The following CCDC60 variants were observed in gnomAD, a reference collection of about 807,000 sequenced individuals.
The protein encoded by CCDC60 is coiled-coil domain containing 60.
A neutral mutation model predicts 63.5 loss-of-function variants in CCDC60; 54 were observed. The observed-to-expected ratio is 0.85, with a 90% CI of 0.68 to 1.07. The LOEUF (loss-of-function observed/expected upper bound fraction) is 1.07. Ranked by LOEUF, CCDC60 falls within the 50% of genes least tolerant of loss-of-function variation. The probability of loss-of-function intolerance (pLI) is 0.00; values close to 1 mark genes in which losing one functional copy is unlikely to be tolerated. For missense variants in CCDC60, 651 were observed against 684.3 expected (o/e 0.95, Z 0.54); for synonymous variants, 206 against 238.8 (o/e 0.86, Z 1.27).
intron 8 of CCDC60, among the ~76,000 whole-genome samples, chr12:119,519,438 CGT>C (rs1442325631): frequency 4.2e-4 from 35 of 83,418 alleles, no homozygotes; most frequent in East Asian, 1.9e-3. Flanking sequence ...TGTGTGTGCG[CGT>C]GTGTGTGTGT....
intron 1 of CCDC60, among the ~76,000 whole-genome samples, chr12:119,407,091 A>G (rs1956506485): frequency 6.6e-6 from 1 of 152,142 alleles, no homozygotes. Flanking sequence ...CCAGGGCCAT[A>G]GGGGGGTATA....
chr12:119,437,203 T>C (rs1334632691), intron 2 of CCDC60, among the ~76,000 whole-genome samples: 1 of 152,220 alleles, frequency 6.6e-6, no homozygotes, highest in Non-Finnish European at 1.5e-5. Context: ...TAGGGTGAGC[T>C]TCTCCTAACT....
chr12:119,424,506 C>T (rs149357501), intron 1 of CCDC60, among the ~76,000 whole-genome samples: 13 of 152,192 alleles, frequency 8.5e-5, no homozygotes, highest in African/African-American at 2.4e-4. Context: ...TTCATCCTGG[C>T]GACATAATTT....
At chr12:119,419,869 CTTTTTTTTTTTTTT>C (rs1206831493) in intron 1 of CCDC60, among the ~76,000 whole-genome samples, 2 of 106,504 alleles carry the variant, frequency 1.9e-5, no homozygotes, top group Admixed American at 1.2e-4. Context: ...TTAAATAATT[CTTTTTTTTTTTTTT>C]TTTTTTTTTG....
At chr12:119,507,284 C>T (rs1731319716) in intron 7 of CCDC60, among the ~76,000 whole-genome samples, 1 of 151,656 alleles carries the variant, frequency 6.6e-6, no homozygotes, top group African/African-American at 2.4e-5. Context: ...CAGGAAAAAT[C>T]CCCACCGCCC....
intron 1 of CCDC60, among the ~76,000 whole-genome samples, chr12:119,390,850 A>T (rs1313728033): frequency 6.6e-6 from 1 of 152,252 alleles, no homozygotes; most frequent in Non-Finnish European, 1.5e-5. Flanking sequence ...TAAAGAGCTC[A>T]TTCCTTTTGC....
chr12:119,416,464 A>C (rs2053003272), intron 1 of CCDC60, among the ~76,000 whole-genome samples: 1 of 152,202 alleles, frequency 6.6e-6, no homozygotes, highest in Non-Finnish European at 1.5e-5. Context: ...CCAGTGAGGA[A>C]TATCCAGCTA....
chr12:119,519,859 T>A (rs998712556), intron 8 of CCDC60, among the ~76,000 whole-genome samples: 5 of 143,622 alleles, frequency 3.5e-5, no homozygotes, highest in African/African-American at 1.4e-4. Context: ...AGAGAGAGTG[T>A]GTGTGTGTGT....
chr12:119,508,479 CAAAA>C (rs536569469), intron 7 of CCDC60, among the ~76,000 whole-genome samples: 1 of 136,332 alleles, frequency 7.3e-6, no homozygotes, highest in Non-Finnish European at 1.6e-5. Context: ...GACTCTGTCT[CAAAA>C]AAAAAAAAGG....
At chr12:119,434,874 A>AAAGTATGGGTTTGAATC in intron 2 of CCDC60, among the ~76,000 whole-genome samples, 1 of 152,326 alleles carries the variant, frequency 6.6e-6, no homozygotes, top group South Asian at 2.1e-4. Flanking sequence ...GCTGCGATGA[A>AAAGTATGGGTTTGAATC]AAGTATGGGT....
intron 1 of CCDC60, among the ~76,000 whole-genome samples, chr12:119,360,507 C>G (rs1250441047): frequency 2.0e-5 from 3 of 149,618 alleles, no homozygotes; most frequent in South Asian, 4.3e-4. Context: ...GGGCGGCTGC[C>G]GGGCGGAGGG....
rs1382774624 is a variant in CCDC60, at chr12:119,447,569, G to A, written c.170+18807G>A. ...TAATGCATTTTTCTATATCCACAAT[G>A]GCAGGTCCATAAGAGCAATCCCTCC... On this transcript the variant is annotated intron_variant, in intron 2 of 13. Coordinates refer to ENST00000327554, the MANE Select transcript of CCDC60 (RefSeq NM_178499.5). Among the ~76,000 whole-genome samples, 5 of 152,252 alleles carry A rather than the reference G, an allele frequency of 3.3e-5. No homozygotes were observed. In the East Asian group the frequency reaches 9.6e-4, roughly 29 times the overall value.
At chr12:119,379,912 A>T (rs1955991124) in intron 1 of CCDC60, among the ~76,000 whole-genome samples, 1 of 152,204 alleles carries the variant, frequency 6.6e-6, no homozygotes, top group African/African-American at 2.4e-5. Context: ...TTAAATATAG[A>T]TGTGCATATA....
chr12:119,355,673 C>A (rs1466188771), intron 1 of CCDC60, among the ~76,000 whole-genome samples: 1 of 152,244 alleles, frequency 6.6e-6, no homozygotes, highest in Non-Finnish European at 1.5e-5. Context: ...AGAACTGATG[C>A]TCCTTGCAGA....
At chr12:119,427,084 T>A (rs1323404027) in intron 1 of CCDC60, among the ~76,000 whole-genome samples, 1 of 152,196 alleles carries the variant, frequency 6.6e-6, no homozygotes, top group Non-Finnish European at 1.5e-5. Flanking sequence ...CCAGCCTTTG[T>A]CAAATTTCAC....
At chr12:119,412,629 C>G (rs1032058064) in intron 1 of CCDC60, among the ~76,000 whole-genome samples, 1 of 152,180 alleles carries the variant, frequency 6.6e-6, no homozygotes. Context: ...CTCACTCACT[C>G]GCTGGGTGAC....
intron 1 of CCDC60, among the ~76,000 whole-genome samples, chr12:119,371,160 C>A (rs905745503): frequency 6.6e-6 from 1 of 152,210 alleles, no homozygotes; most frequent in African/African-American, 2.4e-5. Context: ...TGTGTTTCTT[C>A]ATTAAACCAC....
intron 5 of CCDC60, among the ~76,000 whole-genome samples, chr12:119,493,575 C>T (rs1329696613): frequency 6.6e-6 from 1 of 151,986 alleles, no homozygotes; most frequent in Non-Finnish European, 1.5e-5. Flanking sequence ...CATCATGTGG[C>T]AATTTAAACA....
At chr12:119,515,210 G>A (rs767382914) in intron 7 of CCDC60, among the ~76,000 whole-genome samples, 19 of 152,334 alleles carry the variant, frequency 1.2e-4, no homozygotes, top group South Asian at 4.1e-4. Context: ...TAAGGTCATC[G>A]ACTGAGGTCC....
Sources: allele counts gnomAD v4.1 joint callset (sites outside exome capture counted in the v4.1 genomes callset), GRCh38; gene constraint gnomAD v4.1.1; transcripts MANE v1.5; gene names NCBI Gene and HGNC (gene_info 2026-07-23, HGNC 2026-07-21).